The following TDRD3 variants were observed in gnomAD, a reference collection of about 807,000 sequenced individuals.
TDRD3 encodes the protein tudor domain-containing protein 3.
A neutral mutation model predicts 86.7 loss-of-function variants in TDRD3; 45 were observed. The ratio of observed to expected loss-of-function variants is 0.52; its 90% CI spans 0.41 to 0.67. The LOEUF (loss-of-function observed/expected upper bound fraction) is 0.67. Among genes scored for constraint, TDRD3 ranks in the 30% least tolerant of loss-of-function variants. TDRD3 has a pLI of 0.00. For missense variants in TDRD3, 814 were observed against 889.0 expected (o/e 0.92, Z 1.07); for synonymous variants, 298 against 301.7 (o/e 0.99, Z 0.13).
At chr13:60,432,794 A>G (rs1459299391) in intron 1 of TDRD3, among the ~76,000 whole-genome samples, 1 of 152,054 alleles carries the variant, frequency 6.6e-6, no homozygotes, top group African/African-American at 2.4e-5. Flanking sequence ...GTCCCACCTT[A>G]GCTTGGGTAA....
chr13:60,538,829 T>C (rs1400266392), intron 12 of TDRD3, among the ~76,000 whole-genome samples: 1 of 152,172 alleles, frequency 6.6e-6, no homozygotes, highest in African/African-American at 2.4e-5. Context: ...TGTTGTTGCT[T>C]CTGAATTGCT....
At chr13:60,473,609 A>G (rs74426504) in intron 5 of TDRD3, among the ~76,000 whole-genome samples, 14 of 152,242 alleles carry the variant, frequency 9.2e-5, no homozygotes, top group Non-Finnish European at 2.1e-4. Context: ...AGTTTGTAGT[A>G]TTACTCTTTA....
chr13:60,397,512 G>T, intron 1 of TDRD3, 107 bp downstream of exon 1: 1 of 961,762 alleles, frequency 1.0e-6, no homozygotes, highest in Non-Finnish European at 1.4e-6. Context: ...GGAGGCTGTC[G>T]TCCGCCCCCG....
rs996083378 is a variant in TDRD3 at position 60,466,795 on chromosome 13, T to A, written c.354-443T>A. Among the ~76,000 whole-genome samples, 676 of 144,658 alleles carry A rather than the reference T, an allele frequency of 4.7e-3. 5 individuals carry two copies. The highest frequency in any genetic ancestry group is 7.9e-3 in the Non-Finnish European group (518 of 65,790). 94.9% of individuals were successfully genotyped at this position (144,658 alleles called of 152,430 possible). On this transcript the variant is annotated intron_variant, in intron 4 of 13. Transcript: ENST00000377881. ...CTTGGGTGACGGAGGCTCTGTCTTT[T>A]AAAAAAAAAAAAAAAATCTTGTTCC...
chr13:60,510,662 G>C lies in TDRD3; in HGVS notation c.1048G>C (p.Glu350Gln). The change falls in exon 10 of 14, where the codon GAA becomes CAA. Residue 350 changes from glutamate (E) to glutamine (Q), a missense_variant. Glu to Gln is a conservative substitution (Grantham distance 29). Transcript: ENST00000377881. Reference sequence around the variant, plus strand: ...AAAAGGCAGGGGGCGAATAAGATCTGAAGATGAAGAGGACCTGGGAAATGC... The same window carrying C: ...AAAAGGCAGGGGGCGAATAAGATCTCAAGATGAAGAGGACCTGGGAAATGC... ...RGKGRGRIRS[E>Q]DEEDLGNARP... The C allele has an allele frequency of 1.2e-6, 2 of 1,604,856 alleles. No homozygotes were observed. Among genetic ancestry groups the C allele is most frequent in the Non-Finnish European group, 1.7e-6 (2 of 1,175,566 alleles).
At chr13:60,436,587 G>A (rs1481202139) in intron 1 of TDRD3, among the ~76,000 whole-genome samples, 1 of 152,014 alleles carries the variant, frequency 6.6e-6, no homozygotes, top group African/African-American at 2.4e-5. Context: ...GGCTGTATTT[G>A]GCTTTATTTC....
Position 60,467,412 on chromosome 13 carries a change from C to T in TDRD3, c.495+33C>T, listed in dbSNP as rs111804430. On this transcript the variant is annotated intron_variant, in intron 5 of 13. Coordinates refer to ENST00000377881, the MANE Select transcript of TDRD3 (RefSeq NM_001146070.2). ...TAAACTATGGCTTGAACTTTTGAAA[C>T]ATTACACTCTTTTTTATTGCATTAA... is the stretch of plus-strand genomic sequence containing the variant. The T allele has an allele frequency of 6.2e-4, 1,000 of 1,603,782 alleles. 9 individuals are homozygous for T. In the African/African-American group the frequency reaches 0.012, roughly 19 times the overall value.
At chr13:60,492,892 C>T (rs140874111) in intron 7 of TDRD3, among the ~76,000 whole-genome samples, 7,104 of 149,218 alleles carry the variant, frequency 0.048, 216 homozygotes, top group Non-Finnish European at 0.064. Context: ...TATTTTCTTC[C>T]GTTTCAAATA....
chr13:60,520,065 G>C (rs1264482740), intron 10 of TDRD3, among the ~76,000 whole-genome samples: 1 of 152,038 alleles, frequency 6.6e-6, no homozygotes, highest in Non-Finnish European at 1.5e-5. Context: ...TCTTTTAAAA[G>C]GGGCTTTGAA....
At chr13:60,414,168 GTTTT>G (rs201194406) in intron 1 of TDRD3, among the ~76,000 whole-genome samples, 1 of 151,080 alleles carries the variant, frequency 6.6e-6, no homozygotes, top group African/African-American at 2.4e-5. Flanking sequence ...GACAATGTAC[GTTTT>G]TTTTTAAGTC....
chr13:60,518,063 A>G (rs1957212087), intron 10 of TDRD3, among the ~76,000 whole-genome samples: 1 of 152,242 alleles, frequency 6.6e-6, no homozygotes, highest in Non-Finnish European at 1.5e-5. Context: ...TGACAGCATG[A>G]TAGCTTTTGT....
chr13:60,459,993 A>G (rs937355161), intron 3 of TDRD3, among the ~76,000 whole-genome samples: 4 of 152,192 alleles, frequency 2.6e-5, no homozygotes, highest in African/African-American at 9.6e-5. Context: ...TTTATTTTCA[A>G]GGTGTCCCTT....
Position 60,435,428 on chromosome 13 carries a change from A to T in TDRD3, c.42-4260A>T, listed in dbSNP as rs567119468. Among the ~76,000 whole-genome samples the T allele has an allele frequency of 7.9e-5, 12 of 151,934 alleles. No individual in the cohort carries two copies. In the South Asian group the frequency reaches 2.5e-3, roughly 32 times the overall value. On this transcript the variant is annotated intron_variant, in intron 1 of 13. Transcript: ENST00000377881. ...TTTATCCCTCACCCTCTCCAAACCT[A>T]CCCCAGTAGAGTCCCCAAAGTCCAT...
intron 12 of TDRD3, among the ~76,000 whole-genome samples, chr13:60,557,274 C>A (rs7982963): frequency 6.6e-6 from 1 of 151,534 alleles, no homozygotes; most frequent in African/African-American, 2.4e-5. Flanking sequence ...AGGATGCAAA[C>A]CAATGGAGTT....
At chr13:60,457,445 A>G (rs1955703866) in intron 3 of TDRD3, among the ~76,000 whole-genome samples, 1 of 152,214 alleles carries the variant, frequency 6.6e-6, no homozygotes, top group African/African-American at 2.4e-5. Flanking sequence ...AGGCTTGTAC[A>G]CTCACTCGTA....
chr13:60,426,098 AAAG>A (rs1284777927), intron 1 of TDRD3, among the ~76,000 whole-genome samples: 9 of 152,180 alleles, frequency 5.9e-5, no homozygotes, highest in Non-Finnish European at 1.2e-4. Flanking sequence ...GAGCCTTTAA[AAAG>A]AAGGAGATCC....
chr13:60,399,862 A>G (rs958693888), intron 1 of TDRD3, among the ~76,000 whole-genome samples: 14 of 152,230 alleles, frequency 9.2e-5, no homozygotes, highest in Non-Finnish European at 1.8e-4. Flanking sequence ...TGTGATCTTC[A>G]GGGGGGTACA....
chr13:60,573,575 T>A (rs1958635486), intron 13 of TDRD3, 41 bp from the exon 14 acceptor site: 1 of 982,990 alleles, frequency 1.0e-6, no homozygotes, highest in African/African-American at 1.7e-5. Context: ...AAAGTTAATT[T>A]GAGGCTTCAA....
intron 4 of TDRD3, among the ~76,000 whole-genome samples, chr13:60,461,506 T>G (rs1381451120): frequency 6.6e-6 from 1 of 152,178 alleles, no homozygotes; most frequent in African/African-American, 2.4e-5. Flanking sequence ...GCAGCCCTCC[T>G]CCCACCTGCC....
Sources: gnomAD v4.1 joint callset for allele counts (sites outside exome capture counted in the v4.1 genomes callset) on GRCh38, gnomAD v4.1.1 for gene constraint, MANE v1.5 for transcripts, NCBI Gene and HGNC (gene_info 2026-07-23, HGNC 2026-07-21) for gene names.